The following HLA-DOB variants were observed in gnomAD, a reference collection of about 807,000 sequenced individuals.
HLA-DOB encodes HLA class II histocompatibility antigen, DO beta chain.
A neutral mutation model predicts 27.7 loss-of-function variants in HLA-DOB; 25 were observed. The ratio of observed to expected loss-of-function variants is 0.90; its 90% CI spans 0.66 to 1.26. The LOEUF (loss-of-function observed/expected upper bound fraction) is 1.26. Ranked by LOEUF, HLA-DOB falls within the 50% of genes most tolerant of loss-of-function variation. The pLI, the probability that HLA-DOB is intolerant of heterozygous loss-of-function variation, is 0.00. For missense variants in HLA-DOB, 306 were observed against 324.9 expected (o/e 0.94, Z 0.45); for synonymous variants, 137 against 125.6 (o/e 1.09, Z -0.61).
chr6:32,814,559 A>G lies in HLA-DOB; in HGVS notation c.404T>C (p.Leu135Pro), dbSNP rs779654674. 44 of 1,612,918 alleles carry G rather than the reference A, an allele frequency of 2.7e-5. No homozygotes were observed. In the Admixed American group the frequency reaches 7.2e-4, roughly 26 times the overall value. The change falls in exon 3 of 6, where the codon CTG (leucine) becomes CCG (proline). Residue 135 changes from leucine (L) to proline (P), a missense_variant. Leu to Pro is a moderately conservative substitution (Grantham distance 98, BLOSUM62 -3). Transcript: ENST00000438763. ...GCAGTGCAGCAGATTATGCTGGTGC[A>G]GGAGTGGGGTCCTCTCTGGGTACAC... Reference protein sequence around the residue: ...VTVYPERTPLLHQHNLLHCSV... With the variant: ...VTVYPERTPLPHQHNLLHCSV...
Position 32,813,788 on chromosome 6 carries a change from G to C in HLA-DOB, c.689C>G (p.Ala230Gly). The stretch of plus-strand genomic sequence containing the variant: ...GAAGATTAGCCCAAGTAGGAAGGCT[G>C]CAATGCCACTCAGCATCTTTCTCCA... ...YSWRKMLSGI[A>G]AFLLGLIFLL... The change falls in exon 4 of 6, where the codon GCA becomes GGA. Residue 230 changes from alanine (A) to glycine (G), a missense_variant. By Grantham distance (60) the Ala-to-Gly change is moderately conservative (BLOSUM62 0). Transcript: ENST00000438763. 1 of 1,564,958 alleles carries C rather than the reference G, an allele frequency of 6.4e-7. No individual in the cohort carries two copies. The highest frequency in any genetic ancestry group is 8.7e-7 in the Non-Finnish European group (1 of 1,153,028).
Position 32,814,453 on chromosome 6 carries a change from G to A in HLA-DOB, c.510C>T (p.Ser170=). ...AGTCTCCATTCCTGATAGGGCCAGT[G>A]GACATGACCCCAGCTCTCTCCTCCT... The part of the protein sequence containing the change: ...NGQEERAGVM[S]TGPIRNGDWT... The change falls in exon 3 of 6, where the codon TCC becomes TCT. Residue 170 remains serine, a synonymous_variant. Coordinates refer to ENST00000438763, the MANE Select transcript of HLA-DOB (RefSeq NM_002120.4). 6.2e-7 allele frequency: 1 copy of A among 1,613,028 alleles called. No individual in the cohort carries two copies. The highest frequency in any genetic ancestry group is 1.1e-5 in the South Asian group (1 of 91,078).
chr6:32,815,419 C>CA (rs1188695793), intron 1 of HLA-DOB, 106 bp from the exon 2 acceptor site: 3 of 1,105,050 alleles, frequency 2.7e-6, no homozygotes, highest in Non-Finnish European at 4.0e-6. Flanking sequence ...CCTTTGACCT[C>CA]AGTATGCTCA....
At chr6:32,814,898 G>T in intron 2 of HLA-DOB, 146 bp downstream of exon 2, 1 of 982,826 alleles carries the variant, frequency 1.0e-6, no homozygotes, top group Non-Finnish European at 1.5e-6. Context: ...GACTTGTGAG[G>T]ATAATATATC....
At chr6:32,814,225 T>C (rs1767917959) in intron 3 of HLA-DOB, 95 bp downstream of exon 3, 2 of 1,221,120 alleles carry the variant, frequency 1.6e-6, no homozygotes, top group South Asian at 1.4e-5. Flanking sequence ...ATAATTCATG[T>C]TGTGACCAAG....
At position 32,813,137 on chromosome 6, in the gene HLA-DOB, G is replaced by T; in HGVS notation, c.*79C>A. On this transcript the variant is annotated 3_prime_UTR_variant, in exon 6 of 6. Coordinates refer to ENST00000438763, the MANE Select transcript of HLA-DOB (RefSeq NM_002120.4). ...GTTATTCCCAGAACATTGACCTCAT[G>T]AATGTCCTTTACCTCACCCAGGGCC... is the stretch of plus-strand genomic sequence containing the variant. The T allele has an allele frequency of 1.6e-6, 2 of 1,271,064 alleles. No homozygotes were observed. The highest frequency in any genetic ancestry group is 2.3e-6 in the Non-Finnish European group (2 of 867,658). The allele number at this position is 1,271,064 out of a possible 1,614,324, so 78.7% of individuals were successfully genotyped here.
rs201748352 is a variant in HLA-DOB at position 32,815,258 on chromosome 6, C to T, written c.147G>A (p.Lys49=). 2 of 1,614,226 alleles carry T rather than the reference C, an allele frequency of 1.2e-6. No homozygotes were observed. The highest frequency in any genetic ancestry group is 1.7e-6 in the Non-Finnish European group (2 of 1,180,046). The change falls in exon 2 of 6, where the codon AAG becomes AAA. Residue 49 remains lysine (K), a synonymous_variant. Transcript: ENST00000438763. ...AGATGAATCTGACCACAAACTGCACCTTTTCTGTCCCGTTGGTGAAGTAAC... is the reference window on the plus strand; with the variant it reads ...AGATGAATCTGACCACAAACTGCACTTTTTCTGTCCCGTTGGTGAAGTAAC... ...ADCYFTNGTE[K]VQFVVRFIFN...
chr6:32,814,191 G>T, intron 3 of HLA-DOB, 129 bp downstream of exon 3: 1 of 900,870 alleles, frequency 1.1e-6, no homozygotes, highest in South Asian at 1.7e-5. Flanking sequence ...TGGTTTCTGT[G>T]ACTGTCCCAG....
In HLA-DOB at chr6:32,814,513, T is replaced by G; in HGVS notation, c.450A>C (p.Pro150=). The change falls in exon 3 of 6, where the codon CCA becomes CCC. Residue 150 remains proline (P), a synonymous_variant. Transcript: ENST00000438763. The part of the protein sequence containing the change: ...LLHCSVTGFY[P]GDIKIKWFLN... ...GGAACCACTTGATCTTGATATCCCCTGGATAGAAGCCTGTCACAGAGCAGT... is the reference window on the plus strand; with the variant it reads ...GGAACCACTTGATCTTGATATCCCCGGGATAGAAGCCTGTCACAGAGCAGT... 6.2e-7 allele frequency: 1 copy of G among 1,613,024 alleles called. No homozygotes were observed. Among genetic ancestry groups the G allele is most frequent in the Non-Finnish European group, 8.5e-7 (1 of 1,179,992 alleles).
chr6:32,812,964 C>T lies in HLA-DOB; in HGVS notation c.*252G>A, dbSNP rs1014082631. ...GATTTGGGGCTGGAAGGAGTAAGGT[C>T]TCAGGGGAGTTTCTGGACAATGCCC... is the stretch of plus-strand genomic sequence containing the variant. On this transcript the variant is annotated 3_prime_UTR_variant, in exon 6 of 6. Transcript: ENST00000438763. 1.0e-5 allele frequency: 6 copies of T among 577,110 alleles called. No individual in the cohort carries two copies. In the African/African-American group the frequency reaches 1.1e-4, roughly 11 times the overall value. 35.7% of individuals were successfully genotyped at this position (577,110 alleles called of 1,614,324 possible). A position where few individuals can be genotyped will look rare whatever the true frequency, so the allele number is the denominator to read the frequency against.
At position 32,813,295 on chromosome 6, in the gene HLA-DOB, C is replaced by T. The variant is rs747129830; in HGVS notation, c.787-44G>A. 16 of 1,609,126 alleles carry T rather than the reference C, an allele frequency of 9.9e-6. 1 individual carries two copies. In the Admixed American group the frequency reaches 2.2e-4, roughly 22 times the overall value. ...AGGTCTCAGGAGGCAGCCTCACCAC[C>T]CCCCACAGCCGTTCCAGAGACTCAG... On this transcript the variant is annotated intron_variant, in intron 5 of 5. Transcript: ENST00000438763.
intron 2 of HLA-DOB, 133 bp downstream of exon 2, chr6:32,814,911 A>T: frequency 9.3e-7 from 1 of 1,075,538 alleles, no homozygotes; most frequent in Non-Finnish European, 1.3e-6. Context: ...AATATATCAC[A>T]GCTGGGGCCA....
chr6:32,814,410 C>T lies in HLA-DOB; in HGVS notation c.553G>A (p.Val185Met), dbSNP rs1318197366. 1 of 1,613,012 alleles carries T rather than the reference C, an allele frequency of 6.2e-7. No homozygotes were observed. The highest frequency in any genetic ancestry group is 1.1e-5 in the South Asian group (1 of 91,074). ...RNGDWTFQTVVMLEMTPELGH... is the reference protein window; with the variant it reads ...RNGDWTFQTVMMLEMTPELGH... ...AGTTCAGGAGTCATTTCTAGCATCA[C>T]CACAGTCTGAAAGGTCCAGTCTCCA... is the stretch of plus-strand genomic sequence containing the variant. The change falls in exon 3 of 6, where the codon GTG becomes ATG. Residue 185 changes from valine (V) to methionine (M), a missense_variant. Val to Met is a conservative substitution (Grantham distance 21). Transcript: ENST00000438763.
Position 32,813,101 on chromosome 6 carries a change from C to G in HLA-DOB, c.*115G>C. 1 of 975,994 alleles carries G rather than the reference C, an allele frequency of 1.0e-6. No homozygotes were observed. The allele number at this position is 975,994 out of a possible 1,614,324, so 60.5% of individuals were successfully genotyped here. On this transcript the variant is annotated 3_prime_UTR_variant, in exon 6 of 6. Coordinates refer to ENST00000438763, the MANE Select transcript of HLA-DOB (RefSeq NM_002120.4). ...AATCAGTTCGGGCTCCTCCAAGGATCAGGGAAGAGAGTTATTCCCAGAACA... is the reference window on the plus strand; with the variant it reads ...AATCAGTTCGGGCTCCTCCAAGGATGAGGGAAGAGAGTTATTCCCAGAACA...
At chr6:32,814,998 A>G (rs1767956204) in intron 2 of HLA-DOB, 46 bp downstream of exon 2, 1 of 1,603,598 alleles carries the variant, frequency 6.2e-7, no homozygotes, top group Non-Finnish European at 8.5e-7. Flanking sequence ...CCAGGTTCAC[A>G]TGGGGGACAT....
At position 32,814,474 on chromosome 6, in the gene HLA-DOB, C is replaced by T. The variant is rs775152204; in HGVS notation, c.489G>A (p.Glu163=). ...IKIKWFLNGQ[E]ERAGVMSTGP... is the part of the protein sequence containing the mutation. ...CAGTGGACATGACCCCAGCTCTCTC[C>T]TCCTGCCCATTCAGGAACCACTTGA... Residue 163 remains glutamate (E), a synonymous_variant, in exon 3 of 6, where the codon GAG becomes GAA. Coordinates refer to ENST00000438763, the MANE Select transcript of HLA-DOB (RefSeq NM_002120.4). 1 of 1,613,066 alleles carries T rather than the reference C, an allele frequency of 6.2e-7. No homozygotes were observed. Among genetic ancestry groups the T allele is most frequent in the South Asian group, 1.1e-5 (1 of 91,078 alleles).
At position 32,813,434 on chromosome 6, in the gene HLA-DOB, C is replaced by T. The variant is rs1767882480; in HGVS notation, c.786+6G>A. The T allele has an allele frequency of 1.2e-6, 2 of 1,612,792 alleles. No individual in the cohort carries two copies. Among genetic ancestry groups the T allele is most frequent in the African/African-American group, 2.7e-5 (2 of 74,880 alleles). On this transcript the variant is annotated splice_donor_region_variant and intron_variant, in intron 5 of 5. Coordinates refer to ENST00000438763, the MANE Select transcript of HLA-DOB (RefSeq NM_002120.4). ...CCACTCAAAGACAAGGAAAAAGAGA[C>T]ATTACCTCATTACCAGACATCTGCG...
Position 32,813,200 on chromosome 6 carries a change from A to G in HLA-DOB, c.*16T>C. On this transcript the variant is annotated 3_prime_UTR_variant, in exon 6 of 6. Transcript: ENST00000438763. ...CACTACTTCAGGCTCCAGAGAGAGA[A>G]GCTTCAGTGAGGACCTTAGCATGAC... 1.2e-6 allele frequency: 2 copies of G among 1,612,048 alleles called. No individual in the cohort carries two copies. The highest frequency in any genetic ancestry group is 1.7e-6 in the Non-Finnish European group (2 of 1,179,052).
chr6:32,813,554 AGGTCAGCACTCTC>A, intron 4 of HLA-DOB, 83 bp from the exon 5 acceptor site: 1 of 1,451,522 alleles, frequency 6.9e-7, no homozygotes, highest in South Asian at 1.1e-5. Flanking sequence ...ATGGCTGGCA[AGGTCAGCACTCTC>A]TCTGCTTATC....
Sources: allele counts gnomAD v4.1 joint callset, GRCh38; gene constraint gnomAD v4.1.1; transcripts MANE v1.5; gene names NCBI Gene and HGNC (gene_info 2026-07-23, HGNC 2026-07-21).